The following DSC2 variants were observed in gnomAD, a reference collection of about 807,000 sequenced individuals.
DSC2 encodes desmocollin-2.
Under a neutral mutation model 87.6 loss-of-function variants are expected in DSC2, and 51 were observed. The observed-to-expected ratio is 0.58, with a 90% CI of 0.46 to 0.74. The LOEUF (loss-of-function observed/expected upper bound fraction) is 0.74. Among genes scored for constraint, DSC2 ranks in the 30% least tolerant of loss-of-function variants. DSC2 has a pLI of 0.00. For synonymous variants in DSC2, 383 were observed against 393.2 expected (o/e 0.97, Z 0.31); for missense variants, 1,066 against 1,089.5 (o/e 0.98, Z 0.30).
rs1454705736 is a variant in DSC2 at position 31,093,661 on chromosome 18, AT to A, written c.70-19del. On this transcript the variant is annotated intron_variant, in intron 1 of 15. Coordinates refer to ENST00000280904, the MANE Select transcript of DSC2 (RefSeq NM_024422.6). ...ATTAAGATCTAAAAAATGAAAAAAA[AT>A]CAAATAAATATTATGCATAAAAAGA... The A allele has an allele frequency of 6.5e-7, 1 of 1,530,510 alleles. No individual in the cohort carries two copies. The highest frequency in any genetic ancestry group is 8.9e-7 in the Non-Finnish European group (1 of 1,124,610). 94.8% of individuals were successfully genotyped at this position (1,530,510 alleles called of 1,614,324 possible). A position where few individuals can be genotyped will look rare whatever the true frequency, so the allele number is the denominator to read the frequency against.
Position 31,061,984 on chromosome 18 carries a change from C to T in DSC2, c.*6031G>A, listed in dbSNP as rs778829545. ...AAGCAAAACACATAGGTCTGTCCTA[C>T]ATGTCCTACGTGAGAAGAGCAGGGC... On this transcript the variant is annotated 3_prime_UTR_variant, in exon 16 of 16. Coordinates refer to ENST00000280904, the MANE Select transcript of DSC2 (RefSeq NM_024422.6). The T allele has an allele frequency of 5.3e-5, 8 of 152,220 alleles. No individual in the cohort carries two copies. The highest frequency in any genetic ancestry group is 1.2e-4 in the Non-Finnish European group (8 of 68,060). 9.4% of individuals were successfully genotyped at this position (152,220 alleles called of 1,614,324 possible).
At chr18:31,077,706 T>C (rs1184997306) in intron 11 of DSC2, among the ~76,000 whole-genome samples, 1 of 152,228 alleles carries the variant, frequency 6.6e-6, no homozygotes, top group Non-Finnish European at 1.5e-5. Flanking sequence ...TAATTCTACA[T>C]GGACAAAGGC....
rs143413607 is a variant in DSC2, at chr18:31,068,931, G to A, written c.2471C>T (p.Ser824Leu). 82 of 1,613,976 alleles carry A rather than the reference G, an allele frequency of 5.1e-5. No individual in the cohort carries two copies. The highest frequency in any genetic ancestry group is 4.8e-4 in the African/African-American group (36 of 74,994). ...GGGCTGAGTAAAACTGTGCCACTCC[G>A]AGTAAGTGTATCTGCAGTTGTCCAC... ...TEVDNCRYTY[S>L]EWHSFTQPRL... The change falls in exon 15 of 16, where the codon TCG becomes TTG. Residue 824 changes from serine (S) to leucine (L), a missense_variant. Transcript: ENST00000280904.
chr18:31,094,013 CAA>C (rs1038757138), intron 1 of DSC2, among the ~76,000 whole-genome samples: 3 of 151,966 alleles, frequency 2.0e-5, no homozygotes, highest in African/African-American at 7.2e-5. Context: ...CTTGTAAACT[CAA>C]AGAGTTATGT....
In DSC2 at chr18:31,070,735, A is replaced by T. The variant is rs1986795058; in HGVS notation, c.2241T>A (p.Asp747Glu). ...AAGCCAGACTACTTACCACTTTGTC[A>T]TCTCCAGGAGCTTCTGTGTTTGATA... Reference protein sequence around the residue: ...LIVSNTEAPGDDKVYSANGFT... With the variant: ...LIVSNTEAPGEDKVYSANGFT... Residue 747 changes from aspartate to glutamate, a missense_variant, in exon 14 of 16, where the codon GAT becomes GAA. Physicochemically the swap from Asp to Glu is conservative, Grantham distance 45. Transcript: ENST00000280904. 3 of 1,613,740 alleles carry T rather than the reference A, an allele frequency of 1.9e-6. No homozygotes were observed. The highest frequency in any genetic ancestry group is 2.5e-6 in the Non-Finnish European group (3 of 1,179,824).
Position 31,063,669 on chromosome 18 carries a change from A to G in DSC2, c.*4346T>C, listed in dbSNP as rs1371557531. 2.6e-5 allele frequency: 4 copies of G among 152,196 alleles called. No homozygotes were observed. In the East Asian group the frequency reaches 5.8e-4, roughly 22 times the overall value. 9.4% of individuals were successfully genotyped at this position (152,196 alleles called of 1,614,324 possible). On this transcript the variant is annotated 3_prime_UTR_variant, in exon 16 of 16. Transcript: ENST00000280904. The stretch of plus-strand genomic sequence containing the variant: ...CCTCAACTTAAGATGGCTCGATCTG[A>G]TATTTCAACTTTATGATGGTGTCAA...
In DSC2 at chr18:31,064,043, G is replaced by C. The variant is rs1426073423; in HGVS notation, c.*3972C>G. ...GAAGATTTAATCTGGGGTACTGGCG[G>C]GGGGGAATATTGATCAGGAATGAAG... On this transcript the variant is annotated 3_prime_UTR_variant, in exon 16 of 16. Transcript: ENST00000280904. The C allele has an allele frequency of 6.6e-6, 1 of 152,550 alleles. No individual in the cohort carries two copies. Among genetic ancestry groups the C allele is most frequent in the Admixed American group, 6.6e-5 (1 of 15,238 alleles). 9.4% of individuals were successfully genotyped at this position (152,550 alleles called of 1,614,324 possible). A position where few individuals can be genotyped will look rare whatever the true frequency, so the allele number is the denominator to read the frequency against.
At chr18:31,070,704 T>TTTA in intron 14 of DSC2, 22 bp downstream of exon 14, 1 of 1,613,218 alleles carries the variant, frequency 6.2e-7, no homozygotes, top group African/African-American at 1.3e-5. Context: ...TTTGTATTTA[T>TTTA]TTAAAAAGCC....
rs1013062500 is a variant in DSC2, at chr18:31,074,579, G to T, written c.1888+104C>A. On this transcript the variant is annotated intron_variant, in intron 12 of 15. Coordinates refer to ENST00000280904, the MANE Select transcript of DSC2 (RefSeq NM_024422.6). ...CACAAAAACTGAGAAACTTTCATTG[G>T]TGTTTCCCACATGGTGAATTTTCTC... 3.8e-6 allele frequency: 4 copies of T among 1,060,420 alleles called. No homozygotes were observed. The African/African-American group carries it at 6.4e-5, about 17-fold the overall frequency. 65.7% of individuals were successfully genotyped at this position (1,060,420 alleles called of 1,614,324 possible).
chr18:31,074,605 C>T (rs1986946446), intron 12 of DSC2, 78 bp downstream of exon 12: 1 of 1,357,412 alleles, frequency 7.4e-7, no homozygotes, highest in African/African-American at 1.5e-5. Context: ...GAATTTTCTC[C>T]TATTTCATAC....
chr18:31,089,931 T>C lies in DSC2; in HGVS notation c.475-337A>G, dbSNP rs988917948. Among the ~76,000 whole-genome samples the C allele has an allele frequency of 2.6e-5, 4 of 152,188 alleles. No individual in the cohort carries two copies. The East Asian group carries it at 5.8e-4, about 22-fold the overall frequency. On this transcript the variant is annotated intron_variant, in intron 4 of 15. Coordinates refer to ENST00000280904, the MANE Select transcript of DSC2 (RefSeq NM_024422.6). ...GCATGGAAAATTATTCTGTCGTCAA[T>C]GTTTTAAAAAACTGAGTTTTTATTA... is the stretch of plus-strand genomic sequence containing the variant.
intron 1 of DSC2, 84 bp from the exon 2 acceptor site, chr18:31,093,727 TATA>T (rs1215734784): frequency 6.5e-6 from 4 of 612,208 alleles, no homozygotes; most frequent in Middle Eastern, 6.7e-4. Flanking sequence ...ATTATAAATT[TATA>T]ATGATATACA....
chr18:31,089,329 A>G (rs761714858), intron 5 of DSC2, 110 bp downstream of exon 5: 5 of 1,228,802 alleles, frequency 4.1e-6, no homozygotes, highest in Non-Finnish European at 4.8e-6. Context: ...GAGTAGCCAG[A>G]GCATTGGTGA....
chr18:31,079,997 T>C lies in DSC2; in HGVS notation c.1521-8A>G, dbSNP rs1373979795. ...TCAGTTAATTTCTTATACCTGTTGG[T>C]AATGATGAATTAAAATAATAAAATT... is the stretch of plus-strand genomic sequence containing the variant. On this transcript the variant is annotated splice_polypyrimidine_tract_variant and splice_region_variant and intron_variant, in intron 10 of 15. Coordinates refer to ENST00000280904, the MANE Select transcript of DSC2 (RefSeq NM_024422.6). The C allele has an allele frequency of 6.2e-7, 1 of 1,612,596 alleles. No individual in the cohort carries two copies. The highest frequency in any genetic ancestry group is 1.3e-5 in the African/African-American group (1 of 75,006).
chr18:31,098,373 G>A (rs1021772778), intron 1 of DSC2, among the ~76,000 whole-genome samples: 9 of 152,086 alleles, frequency 5.9e-5, no homozygotes, highest in South Asian at 2.1e-4. Flanking sequence ...ATATATCCTC[G>A]ATCATGTGAT....
intron 7 of DSC2, among the ~76,000 whole-genome samples, chr18:31,085,154 A>T (rs549573083): frequency 6.6e-6 from 1 of 152,178 alleles, no homozygotes; most frequent in South Asian, 2.1e-4. Flanking sequence ...ATCCACAGTG[A>T]TCTGTAATTA....
intron 11 of DSC2, among the ~76,000 whole-genome samples, chr18:31,075,917 T>C (rs1987001565): frequency 6.6e-6 from 1 of 151,960 alleles, no homozygotes; most frequent in Non-Finnish European, 1.5e-5. Context: ...CGACTTTATA[T>C]AAAGCACTGC....
chr18:31,096,747 A>T (rs1045634366), intron 1 of DSC2, among the ~76,000 whole-genome samples: 7 of 152,188 alleles, frequency 4.6e-5, no homozygotes, highest in African/African-American at 1.7e-4. Flanking sequence ...ATGGGAAAAC[A>T]CTAGAAGCAA....
chr18:31,082,022 T>C (rs1906409773), intron 9 of DSC2, among the ~76,000 whole-genome samples: 1 of 151,722 alleles, frequency 6.6e-6, no homozygotes. Context: ...AAAATAGATA[T>C]TGTATTATAT....
Sources: allele counts gnomAD v4.1 joint callset (sites outside exome capture counted in the v4.1 genomes callset), GRCh38; gene constraint gnomAD v4.1.1; transcripts MANE v1.5; gene names NCBI Gene and HGNC (gene_info 2026-07-23, HGNC 2026-07-21).